PRKRIP1: variants seen among roughly 807,000 people sequenced by gnomAD.
PRKRIP1 encodes the protein PRKR-interacting protein 1.
A neutral mutation model predicts 29.3 loss-of-function variants in PRKRIP1; 29 were observed. The observed-to-expected ratio is 0.99, with a 90% CI of 0.74 to 1.35. PRKRIP1 has a LOEUF of 1.35. PRKRIP1 is among the 40% of genes most tolerant of loss of function. The pLI is 0.00. For synonymous variants in PRKRIP1, 90 were observed against 85.1 expected, an observed-to-expected ratio of 1.06 and a Z score of -0.32; for missense variants, 247 against 236.8, an observed-to-expected ratio of 1.04 and a Z score of -0.28.
chr7:102,398,947 C>A (rs782710817), intron 2 of PRKRIP1, among the ~76,000 whole-genome samples: 2 of 152,158 alleles, frequency 1.3e-5, no homozygotes, highest in Admixed American at 1.3e-4. Flanking sequence ...CACAGGAAGA[C>A]CTCATCTCTA....
At chr7:102,400,015 AAG>A (rs1343021261) in intron 3 of PRKRIP1, among the ~76,000 whole-genome samples, 2 of 151,262 alleles carry the variant, frequency 1.3e-5, no homozygotes, top group African/African-American at 2.4e-5. Context: ...AAAAAAAAAA[AAG>A]AGAGAAAAGA....
rs1032491001 is a variant in PRKRIP1, at chr7:102,404,635, A to G, written c.344A>G (p.Lys115Arg). The change falls in exon 4 of 6, where the codon AAG becomes AGG. Residue 115 changes from lysine (K) to arginine (R), a missense_variant. Lys to Arg is a conservative substitution (Grantham distance 26). Coordinates refer to ENST00000397912, the MANE Select transcript of PRKRIP1 (RefSeq NM_024653.4). ...GCAGAGTTTCAGAAAAGACTGGAAAAGAATAAAATTGCTGCAGAGGAGCAG... is the reference window on the plus strand; with the variant it reads ...GCAGAGTTTCAGAAAAGACTGGAAAGGAATAAAATTGCTGCAGAGGAGCAG... ...LDAEFQKRLE[K>R]NKIAAEEQTA... is the part of the protein sequence containing the mutation. 2.5e-6 allele frequency: 4 copies of G among 1,614,030 alleles called. No individual in the cohort carries two copies. Among genetic ancestry groups the G allele is most frequent in the Non-Finnish European group, 3.4e-6 (4 of 1,179,944 alleles).
intron 1 of PRKRIP1, 108 bp downstream of exon 1, chr7:102,396,645 C>T: frequency 8.3e-7 from 1 of 1,208,646 alleles, no homozygotes. Flanking sequence ...CTCAGAAACT[C>T]AGTATCCGAC....
At chr7:102,398,531 C>T (rs111662139) in intron 2 of PRKRIP1, among the ~76,000 whole-genome samples, 11,251 of 152,082 alleles carry the variant, frequency 0.074, 454 homozygotes, top group African/African-American at 0.096. Context: ...GTGATCCGCC[C>T]GCCTCAGCCT....
Position 102,402,896 on chromosome 7 carries a change from T to C in PRKRIP1, c.307-1702T>C, listed in dbSNP as rs868970195. ...CATTCACGGCTCAGCTTTTTTTTTT[T>C]CTCTGAGACAGAGTCTCACTCTGTC... is the stretch of plus-strand genomic sequence containing the variant. On this transcript the variant is annotated intron_variant, in intron 3 of 5. Coordinates refer to ENST00000397912, the MANE Select transcript of PRKRIP1 (RefSeq NM_024653.4). 5.3e-4 allele frequency among the ~76,000 whole-genome samples: 80 copies of C among 151,940 alleles called. No individual in the cohort carries two copies. In the Middle Eastern group the frequency reaches 0.014, roughly 26 times the overall value.
intron 5 of PRKRIP1, among the ~76,000 whole-genome samples, chr7:102,415,816 C>A (rs1796520370): frequency 6.6e-6 from 1 of 152,254 alleles, no homozygotes; most frequent in Non-Finnish European, 1.5e-5. Flanking sequence ...CACACCCGCC[C>A]ATGAGGCGAT....
chr7:102,401,845 G>T (rs1796081650), intron 3 of PRKRIP1, among the ~76,000 whole-genome samples: 1 of 152,208 alleles, frequency 6.6e-6, no homozygotes, highest in South Asian at 2.1e-4. Context: ...GGAAGTTGCA[G>T]TGAGCTGAGA....
intron 3 of PRKRIP1, among the ~76,000 whole-genome samples, chr7:102,403,591 G>A (rs1796129508): frequency 6.6e-6 from 1 of 152,166 alleles, no homozygotes; most frequent in Admixed American, 6.6e-5. Context: ...CTGCCTCTTG[G>A]GTTCAAGTGA....
rs1554572010 is a variant in PRKRIP1, at chr7:102,407,503, G to A, written c.457+5G>A. The stretch of plus-strand genomic sequence containing the variant: ...TTGAACAGAAGAAACAAGAAGGTGA[G>A]TGGTGCCCACTTTTCTTGGCTGTAG... On this transcript the variant is annotated splice_donor_5th_base_variant and intron_variant, in intron 5 of 5. Transcript: ENST00000397912. 1 of 1,608,674 alleles carries A rather than the reference G, an allele frequency of 6.2e-7. No individual in the cohort carries two copies. Among genetic ancestry groups the A allele is most frequent in the South Asian group, 1.1e-5 (1 of 90,936 alleles).
At chr7:102,423,622 A>G (rs1311016313) in intron 5 of PRKRIP1, among the ~76,000 whole-genome samples, 3 of 152,100 alleles carry the variant, frequency 2.0e-5, no homozygotes, top group African/African-American at 7.2e-5. Flanking sequence ...AGGGTACTCT[A>G]TGTACAGACT....
chr7:102,423,866 T>G (rs1796768735), intron 5 of PRKRIP1, among the ~76,000 whole-genome samples: 1 of 152,090 alleles, frequency 6.6e-6, no homozygotes. Context: ...CTCGCTGTGT[T>G]GCCCAGGCTT....
chr7:102,397,706 CTGTGTGTGTGTGTG>C lies in PRKRIP1; in HGVS notation c.205+26_205+39del, dbSNP rs34218257. The C allele has an allele frequency of 5.7e-5, 76 of 1,330,824 alleles. No individual in the cohort carries two copies. Among genetic ancestry groups the C allele is most frequent in the African/African-American group, 7.3e-5 (5 of 68,824 alleles). The allele number at this position is 1,330,824 out of a possible 1,614,324, so 82.4% of individuals were successfully genotyped here. ...TTGTCCGAGATGTCATGGGTAATGG[CTGTGTGTGTGTGTG>C]TGTGTGTGTGTGTGTGTAAATATAA... On this transcript the variant is annotated intron_variant, in intron 2 of 5. Transcript: ENST00000397912.
intron 5 of PRKRIP1, among the ~76,000 whole-genome samples, chr7:102,420,938 C>T (rs1450659383): frequency 6.6e-6 from 1 of 152,156 alleles, no homozygotes; most frequent in Non-Finnish European, 1.5e-5. Context: ...GATTTTTCCC[C>T]TACACAGGCA....
intron 3 of PRKRIP1, 167 bp from the exon 4 acceptor site, chr7:102,404,431 C>T: frequency 1.6e-6 from 1 of 644,814 alleles, no homozygotes; most frequent in Non-Finnish European, 2.8e-6. Context: ...ATTACCTGCC[C>T]TGCCTCTGGG....
At chr7:102,422,940 C>A (rs1156738394) in intron 5 of PRKRIP1, 4 of 293,832 alleles carry the variant, frequency 1.4e-5, no homozygotes, top group Non-Finnish European at 2.8e-5. Context: ...CATCCGAAAT[C>A]TGAAACACAT....
chr7:102,407,580 C>T (rs1048428617), intron 5 of PRKRIP1, 82 bp downstream of exon 5: 27 of 1,069,630 alleles, frequency 2.5e-5, no homozygotes, highest in Non-Finnish European at 2.7e-5. Flanking sequence ...AACACAGGGA[C>T]GGAGAGTTTG....
chr7:102,407,631 TATTAGCTAGGACCCATTGA>T lies in PRKRIP1; in HGVS notation c.457+137_457+155del, dbSNP rs1586682211. On this transcript the variant is annotated intron_variant, in intron 5 of 5. Coordinates refer to ENST00000397912, the MANE Select transcript of PRKRIP1 (RefSeq NM_024653.4). ...CACTGAAGAAATAACAGCTTATTCA[TATTAGCTAGGACCCATTGA>T]ATTGCAAGTATCAGAAAACCAAACT... 6.1e-5 allele frequency: 42 copies of T among 686,418 alleles called. No homozygotes were observed. In the East Asian group the frequency reaches 1.0e-3, roughly 17 times the overall value. 42.5% of individuals were successfully genotyped at this position (686,418 alleles called of 1,614,324 possible).
chr7:102,420,499 AAC>A (rs1267006980), intron 5 of PRKRIP1, among the ~76,000 whole-genome samples: 1 of 152,200 alleles, frequency 6.6e-6, no homozygotes. Context: ...CATAGTAACT[AAC>A]AGGAAATAGC....
intron 5 of PRKRIP1, among the ~76,000 whole-genome samples, chr7:102,419,394 A>G (rs947614833): frequency 2.6e-5 from 4 of 152,128 alleles, no homozygotes; most frequent in Non-Finnish European, 5.9e-5. Context: ...AGCCTGGGTG[A>G]CAGAATGAGA....
Sources: gnomAD v4.1 joint callset for allele counts (sites outside exome capture counted in the v4.1 genomes callset) on GRCh38, gnomAD v4.1.1 for gene constraint, MANE v1.5 for transcripts, NCBI Gene and HGNC (gene_info 2026-07-23, HGNC 2026-07-21) for gene names.